Variants in ARHGAP32 observed in about 807,000 individuals in gnomAD.
ARHGAP32 encodes rho GTPase-activating protein 32.
In ARHGAP32, 51 loss-of-function variants were observed where a neutral mutation model predicts 186.5. The ratio of observed to expected loss-of-function variants is 0.27; its 90% CI spans 0.22 to 0.35. The LOEUF (loss-of-function observed/expected upper bound fraction) is 0.35, where lower values mean the gene tolerates loss of function less well. Ranked by LOEUF, ARHGAP32 falls within the 10% of genes least tolerant of loss-of-function variation. The pLI is 1.00. For synonymous variants in ARHGAP32, 950 were observed against 964.3 expected, an observed-to-expected ratio of 0.99 and a Z score of 0.27; for missense variants, 2,186 against 2,623.5, an observed-to-expected ratio of 0.83 and a Z score of 3.64.
chr11:129,060,384 A>ATAGATAGATAGATAGATAG (rs1565401813), intron 10 of ARHGAP32, among the ~76,000 whole-genome samples: 1 of 134,258 alleles, frequency 7.4e-6, no homozygotes, highest in African/African-American at 2.8e-5. Flanking sequence ...TAGATAGATA[A>ATAGATAGATAGATAGATAG]GATAGACAGA....
At chr11:129,204,030 T>G (rs1944488074) in intron 1 of ARHGAP32, among the ~76,000 whole-genome samples, 1 of 148,114 alleles carries the variant, frequency 6.8e-6, no homozygotes. Flanking sequence ...AATATATAAT[T>G]ACATAATTTA....
Position 128,972,806 on chromosome 11 carries a change from T to G in ARHGAP32, c.3700A>C (p.Ser1234Arg). The change falls in exon 22 of 23, where the codon AGT becomes CGT. Residue 1234 changes from serine (S) to arginine (R), a missense_variant. Physicochemically the swap from Ser to Arg is moderately radical, Grantham distance 110. Around this residue, in one of 5 missense-constraint regions of ARHGAP32, gnomAD observed 1,502 missense variants for 1,570.0 expected, o/e 0.96. Coordinates refer to ENST00000682385, the MANE Select transcript of ARHGAP32 (RefSeq NM_001378024.1). ...GDQPPSYLGA[S>R]VDKLHHPLEF... is the part of the protein sequence containing the mutation. Reference sequence around the variant, plus strand: ...AAAGGGTGATGGAGTTTATCCACACTTGCACCAAGATAAGAAGGAGGCTGA... The same window carrying G: ...AAAGGGTGATGGAGTTTATCCACACGTGCACCAAGATAAGAAGGAGGCTGA... 1 of 1,613,882 alleles carries G rather than the reference T, an allele frequency of 6.2e-7. No individual in the cohort carries two copies. The highest frequency in any genetic ancestry group is 8.5e-7 in the Non-Finnish European group (1 of 1,179,976).
chr11:129,031,388 T>C (rs1299453051), intron 11 of ARHGAP32, among the ~76,000 whole-genome samples: 5 of 152,316 alleles, frequency 3.3e-5, no homozygotes, highest in Admixed American at 6.5e-5. Context: ...GCCAAATGTG[T>C]ATACCCAGAC....
chr11:129,140,914 G>A (rs999601516), intron 2 of ARHGAP32, among the ~76,000 whole-genome samples: 3 of 152,086 alleles, frequency 2.0e-5, no homozygotes, highest in Non-Finnish European at 2.9e-5. Context: ...CCATGGCAAC[G>A]TTTTTTAATT....
At chr11:129,066,958 T>G in intron 6 of ARHGAP32, 90 bp from the exon 7 acceptor site, 1 of 1,133,620 alleles carries the variant, frequency 8.8e-7, no homozygotes, top group Non-Finnish European at 1.2e-6. Context: ...ATTTTATTCA[T>G]GAGATTTTAT....
At chr11:129,100,067 T>C (rs925993599) in intron 5 of ARHGAP32, among the ~76,000 whole-genome samples, 2 of 152,126 alleles carry the variant, frequency 1.3e-5, no homozygotes, top group Non-Finnish European at 2.9e-5. Context: ...TTGACCACCA[T>C]GGACACTTGA....
intron 5 of ARHGAP32, among the ~76,000 whole-genome samples, chr11:129,101,203 G>GA (rs906629751): frequency 4.6e-5 from 7 of 151,300 alleles, no homozygotes; most frequent in Non-Finnish European, 1.0e-4. Flanking sequence ...ATAAAAGGGG[G>GA]AAAAAAAACA....
chr11:129,215,543 G>T (rs552558575), intron 1 of ARHGAP32, among the ~76,000 whole-genome samples: 2 of 152,172 alleles, frequency 1.3e-5, no homozygotes, highest in African/African-American at 4.8e-5. Context: ...TCTGGAGAGG[G>T]GAGAATCTAT....
At chr11:129,221,252 A>T (rs1426115971) in intron 1 of ARHGAP32, among the ~76,000 whole-genome samples, 3 of 152,196 alleles carry the variant, frequency 2.0e-5, no homozygotes, top group Admixed American at 6.5e-5. Context: ...CAAAGTTTCT[A>T]GCAAAGACAA....
At chr11:129,168,687 A>G (rs1230487538) in intron 1 of ARHGAP32, among the ~76,000 whole-genome samples, 1 of 152,198 alleles carries the variant, frequency 6.6e-6, no homozygotes, top group Non-Finnish European at 1.5e-5. Flanking sequence ...ACTAAACCCA[A>G]CAACTACAAA....
At chr11:129,153,653 C>G (rs1159074138) in intron 2 of ARHGAP32, among the ~76,000 whole-genome samples, 1 of 152,094 alleles carries the variant, frequency 6.6e-6, no homozygotes, top group Admixed American at 6.5e-5. Flanking sequence ...ACCTATTCAA[C>G]AAATGGTGCT....
intron 11 of ARHGAP32, among the ~76,000 whole-genome samples, chr11:129,020,731 A>C (rs1487423157): frequency 6.6e-6 from 1 of 152,052 alleles, no homozygotes; most frequent in Non-Finnish European, 1.5e-5. Context: ...GGAATATAAC[A>C]GTTTTTCAGC....
At chr11:128,985,894 A>G in intron 15 of ARHGAP32, 109 bp downstream of exon 15, 1 of 313,094 alleles carries the variant, frequency 3.2e-6, no homozygotes, top group Non-Finnish European at 5.8e-6. Flanking sequence ...ATGAAATGGA[A>G]GTTTAATTAG....
chr11:129,098,574 C>G (rs1439727360), intron 5 of ARHGAP32, among the ~76,000 whole-genome samples: 1 of 152,008 alleles, frequency 6.6e-6, no homozygotes, highest in Non-Finnish European at 1.5e-5. Context: ...TGCCTGCCAC[C>G]ATGCCCAGCT....
intron 6 of ARHGAP32, among the ~76,000 whole-genome samples, chr11:129,073,567 C>T (rs1229728969): frequency 6.6e-6 from 1 of 151,746 alleles, no homozygotes; most frequent in Non-Finnish European, 1.5e-5. Context: ...AGAAAAGGAA[C>T]AGAACATCTA....
chr11:129,192,118 A>G lies in ARHGAP32; in HGVS notation c.81T>C (p.Thr27=), dbSNP rs1279455306. 3 of 1,613,710 alleles carry G rather than the reference A, an allele frequency of 1.9e-6. No homozygotes were observed. Among genetic ancestry groups the G allele is most frequent in the African/African-American group, 2.7e-5 (2 of 74,926 alleles). The part of the protein sequence containing the change: ...WLESEVIIQV[T]DCEEEEREEK... ...CTTCCCTTTCTTCCTCTTCACAGTC[A>G]GTCACCTGGATTATAACTTCAGACT... The change falls in exon 1 of 23, where the codon ACT becomes ACC. Residue 27 remains threonine (T), a synonymous_variant. Coordinates refer to ENST00000682385, the MANE Select transcript of ARHGAP32 (RefSeq NM_001378024.1).
intron 7 of ARHGAP32, among the ~76,000 whole-genome samples, chr11:129,065,368 A>C (rs931117141): frequency 6.6e-6 from 1 of 152,074 alleles, no homozygotes. Context: ...ACCATGGTTC[A>C]GCCGATTGGT....
intron 1 of ARHGAP32, among the ~76,000 whole-genome samples, chr11:129,241,055 T>A (rs1265929937): frequency 6.6e-6 from 1 of 152,222 alleles, no homozygotes; most frequent in Non-Finnish European, 1.5e-5. Context: ...GAGCAAGTTA[T>A]TTAATTTCCT....
chr11:129,086,017 C>CAAAAAAAAAAAAAAAAAAAAAAAAAAA (rs60940372), intron 6 of ARHGAP32, among the ~76,000 whole-genome samples: 1 of 127,926 alleles, frequency 7.8e-6, no homozygotes, highest in Non-Finnish European at 1.7e-5. Flanking sequence ...AACAAACAAA[C>CAAAAAAAAAAAAAAAAAAAAAAAAAAA]AAAAAAAAAA....
Sources: allele counts gnomAD v4.1 joint callset (sites outside exome capture counted in the v4.1 genomes callset), GRCh38; gene constraint gnomAD v4.1.1; regional missense constraint gnomAD v4.1.1; transcripts MANE v1.5; gene names NCBI Gene and HGNC (gene_info 2026-07-23, HGNC 2026-07-21).